The following MSRB3 variants were observed in gnomAD, a reference collection of about 807,000 sequenced individuals.
MSRB3 encodes the protein methionine-R-sulfoxide reductase B3.
MSRB3 carries 13 observed loss-of-function variants against 21.0 expected under a neutral mutation model. The observed-to-expected ratio is 0.62, with a 90% confidence interval of 0.40 to 0.98. The LOEUF is 0.98. Ranked by LOEUF, MSRB3 falls within the 50% of genes least tolerant of loss-of-function variation. The probability of loss-of-function intolerance (pLI) is 0.00; values close to 1 mark genes in which losing one functional copy is unlikely to be tolerated. For missense variants in MSRB3, 199 were observed against 230.3 expected (o/e 0.86, Z 0.88); for synonymous variants, 87 against 88.6 (o/e 0.98, Z 0.10).
At chr12:65,369,414 T>C (rs1592571992) in intron 5 of MSRB3, among the ~76,000 whole-genome samples, 1 of 152,168 alleles carries the variant, frequency 6.6e-6, no homozygotes, top group African/African-American at 2.4e-5. Flanking sequence ...CAGCAAACTA[T>C]AGAGAGTTCA....
chr12:65,328,436 A>C, intron 3 of MSRB3, 90 bp from the exon 4 acceptor site: 1 of 922,020 alleles, frequency 1.1e-6, no homozygotes, highest in Non-Finnish European at 1.7e-6. Flanking sequence ...AGCCCTTGAA[A>C]GATTTATTAG....
At chr12:65,375,140 C>T (rs988714820) in intron 5 of MSRB3, among the ~76,000 whole-genome samples, 6 of 152,074 alleles carry the variant, frequency 3.9e-5, no homozygotes, top group Non-Finnish European at 7.4e-5. Flanking sequence ...CCACCGCGCC[C>T]GGCCTATATC....
chr12:65,446,126 G>A (rs1446989220), intron 5 of MSRB3, among the ~76,000 whole-genome samples: 5 of 152,168 alleles, frequency 3.3e-5, no homozygotes, highest in Non-Finnish European at 7.3e-5. Context: ...CATGTCATCA[G>A]CATATGGGGG....
At chr12:65,424,031 A>G (rs1439796178) in intron 5 of MSRB3, among the ~76,000 whole-genome samples, 1 of 152,060 alleles carries the variant, frequency 6.6e-6, no homozygotes, top group Non-Finnish European at 1.5e-5. Context: ...TGGTCTCTTC[A>G]CATTTTCTTT....
chr12:65,287,772 G>A (rs1349845337), intron 1 of MSRB3, among the ~76,000 whole-genome samples: 2 of 152,156 alleles, frequency 1.3e-5, no homozygotes, highest in Non-Finnish European at 2.9e-5. Flanking sequence ...GGCAGAGCAT[G>A]TTTACCTGCG....
At chr12:65,309,054 ATTCCTTTAGG>A in intron 2 of MSRB3, 1 of 229,678 alleles carries the variant, frequency 4.4e-6, no homozygotes, top group Non-Finnish European at 8.7e-6. Flanking sequence ...ACATGTGGTC[ATTCCTTTAGG>A]AAAAAATGAA....
At chr12:65,363,255 AAAC>A (rs757799716) in intron 4 of MSRB3, among the ~76,000 whole-genome samples, 56 of 152,362 alleles carry the variant, frequency 3.7e-4, no homozygotes, top group Non-Finnish European at 7.1e-4. Flanking sequence ...ATTAAATGAA[AAAC>A]AATGTTCTCT....
intron 2 of MSRB3, among the ~76,000 whole-genome samples, chr12:65,319,654 C>G (rs1464103283): frequency 6.6e-6 from 1 of 152,100 alleles, no homozygotes; most frequent in East Asian, 1.9e-4. Context: ...GTGCTCATCA[C>G]AGTTCTTGAT....
intron 5 of MSRB3, among the ~76,000 whole-genome samples, chr12:65,433,588 C>T (rs1881983353): frequency 6.6e-6 from 1 of 151,844 alleles, no homozygotes; most frequent in Admixed American, 6.6e-5. Context: ...TCTGGCCTTT[C>T]TGAATTTCAT....
Position 65,463,175 on chromosome 12 carries a change from C to T in MSRB3, c.411C>T (p.His137=), listed in dbSNP as rs1256876899. The T allele has an allele frequency of 6.2e-7, 1 of 1,614,032 alleles. No homozygotes were observed. Among genetic ancestry groups the T allele is most frequent in the African/African-American group, 1.3e-5 (1 of 74,926 alleles). ...SCSQCGAHLG[H]IFDDGPRPTG... Reference sequence around the variant, plus strand: ...TTCAGTGTGGTGCTCACCTTGGGCACATTTTTGATGATGGGCCTCGTCCAA... The same window carrying T: ...TTCAGTGTGGTGCTCACCTTGGGCATATTTTTGATGATGGGCCTCGTCCAA... The change falls in exon 7 of 7, where the codon CAC becomes CAT. Residue 137 remains histidine (H), a synonymous_variant. Transcript: ENST00000308259.
At chr12:65,417,240 G>A (rs1881028060) in intron 5 of MSRB3, among the ~76,000 whole-genome samples, 1 of 152,132 alleles carries the variant, frequency 6.6e-6, no homozygotes, top group African/African-American at 2.4e-5. Context: ...CCCTCATTAA[G>A]GGAATTAATG....
intron 4 of MSRB3, among the ~76,000 whole-genome samples, chr12:65,341,035 A>C (rs1189772680): frequency 6.6e-6 from 1 of 152,104 alleles, no homozygotes; most frequent in Admixed American, 6.5e-5. Context: ...TCCTAAAATC[A>C]AGATCTGATA....
At chr12:65,419,173 G>A in intron 5 of MSRB3, 1 of 693,298 alleles carries the variant, frequency 1.4e-6, no homozygotes, top group Non-Finnish European at 2.6e-6. Flanking sequence ...CAACTGCATG[G>A]TGACCACTGT....
intron 2 of MSRB3, chr12:65,316,255 A>T (rs1874288578): frequency 6.6e-6 from 1 of 152,000 alleles, no homozygotes; most frequent in Admixed American, 6.6e-5. Flanking sequence ...CCTTCAGGTG[A>T]GGGTTATTGT....
chr12:65,440,305 A>G (rs1199253092), intron 5 of MSRB3, among the ~76,000 whole-genome samples: 2 of 151,862 alleles, frequency 1.3e-5, no homozygotes, highest in Non-Finnish European at 2.9e-5. Flanking sequence ...AAGGACAGGC[A>G]TATTTGAATA....
chr12:65,394,256 G>T (rs1350207592), intron 5 of MSRB3, among the ~76,000 whole-genome samples: 1 of 151,830 alleles, frequency 6.6e-6, no homozygotes, highest in Non-Finnish European at 1.5e-5. Context: ...ATTTCAAGAG[G>T]ATATAATTGT....
chr12:65,289,761 G>C (rs1401219862), intron 1 of MSRB3, among the ~76,000 whole-genome samples: 1 of 152,042 alleles, frequency 6.6e-6, no homozygotes, highest in African/African-American at 2.4e-5. Flanking sequence ...ATGTGTACTA[G>C]ATGTTTAGCT....
chr12:65,368,933 C>CCA, intron 4 of MSRB3, 65 bp from the exon 5 acceptor site: 2 of 683,518 alleles, frequency 2.9e-6, no homozygotes, highest in South Asian at 1.8e-5. Flanking sequence ...ACCCCCCCCC[C>CCA]CCATGAAATA....
chr12:65,316,986 AATAG>A (rs1313188252), intron 2 of MSRB3, among the ~76,000 whole-genome samples: 1 of 152,096 alleles, frequency 6.6e-6, no homozygotes, highest in Non-Finnish European at 1.5e-5. Flanking sequence ...ATGGGTTAGC[AATAG>A]ATAGGTATGG....
Sources: allele counts gnomAD v4.1 joint callset (sites outside exome capture counted in the v4.1 genomes callset), GRCh38; gene constraint gnomAD v4.1.1; transcripts MANE v1.5; gene names NCBI Gene and HGNC (gene_info 2026-07-23, HGNC 2026-07-21).